BANK1: variants seen among roughly 807,000 people sequenced by gnomAD.
BANK1 encodes B cell scaffold protein with ankyrin repeats 1, also known as B-cell scaffold protein with ankyrin repeats.
BANK1 carries 95 observed loss-of-function variants against 94.5 expected under a neutral mutation model. That is an observed-to-expected ratio of 1.00 (90% CI 0.85 to 1.19). The LOEUF is 1.19. BANK1 is among the 50% of genes most tolerant of loss of function. The pLI, the probability that BANK1 is intolerant of heterozygous loss-of-function variation, is 0.00. For synonymous variants in BANK1, 334 were observed against 308.4 expected (o/e 1.08, Z -0.87); for missense variants, 987 against 932.2 (o/e 1.06, Z -0.77).
At chr4:101,880,926 A>G (rs1560614522) in intron 5 of BANK1, among the ~76,000 whole-genome samples, 2 of 152,242 alleles carry the variant, frequency 1.3e-5, no homozygotes, top group South Asian at 2.1e-4. Flanking sequence ...TCAAATCAAA[A>G]TGGATTAGAG....
intron 7 of BANK1, among the ~76,000 whole-genome samples, chr4:101,971,299 A>G (rs939675507): frequency 1.3e-5 from 2 of 152,106 alleles, no homozygotes; most frequent in African/African-American, 4.8e-5. Context: ...GAAAATGTGT[A>G]AAAAACAGAA....
At chr4:101,910,872 G>A (rs1268464792) in intron 6 of BANK1, among the ~76,000 whole-genome samples, 1 of 152,070 alleles carries the variant, frequency 6.6e-6, no homozygotes, top group Non-Finnish European at 1.5e-5. Context: ...AAGTAGAAGA[G>A]TGTGGGATAA....
At chr4:101,830,248 T>G (rs904541926) in intron 2 of BANK1, 42 bp downstream of exon 2, 4 of 1,264,834 alleles carry the variant, frequency 3.2e-6, no homozygotes, top group Non-Finnish European at 3.0e-6. Context: ...TTATTTGTTT[T>G]TTTTTTTTTG....
At chr4:101,917,733 A>G (rs912671251) in intron 6 of BANK1, among the ~76,000 whole-genome samples, 5 of 151,700 alleles carry the variant, frequency 3.3e-5, no homozygotes, top group African/African-American at 1.2e-4. Context: ...TAAGAGGTTG[A>G]TGTGGCTTTT....
chr4:101,895,253 T>G (rs1578383728), intron 5 of BANK1, 52 bp from the exon 6 acceptor site: 2 of 1,047,800 alleles, frequency 1.9e-6, no homozygotes, highest in East Asian at 5.3e-5. Context: ...TAAAATGAGT[T>G]TCTATGTAAA....
At chr4:101,943,629 A>G (rs1002479734) in intron 7 of BANK1, among the ~76,000 whole-genome samples, 1 of 151,862 alleles carries the variant, frequency 6.6e-6, no homozygotes, top group African/African-American at 2.4e-5. Context: ...TTGAGTTGAA[A>G]TACTTATTTC....
intron 3 of BANK1, among the ~76,000 whole-genome samples, chr4:101,860,472 C>T (rs1347874063): frequency 6.6e-6 from 1 of 152,002 alleles, no homozygotes; most frequent in Admixed American, 6.6e-5. Context: ...GCTCTGTCGC[C>T]CAGGCTGGAG....
At chr4:101,867,021 C>T (rs1476089383) in intron 4 of BANK1, among the ~76,000 whole-genome samples, 1 of 35,964 alleles carries the variant, frequency 2.8e-5, no homozygotes, top group Admixed American at 2.6e-4. Flanking sequence ...GTGGTGGGGT[C>T]GGGGGAGGGG....
At chr4:101,984,014 TAAGAG>T (rs1181775413) in intron 7 of BANK1, among the ~76,000 whole-genome samples, 2 of 151,936 alleles carry the variant, frequency 1.3e-5, no homozygotes, top group Non-Finnish European at 2.9e-5. Flanking sequence ...TTTACATAGA[TAAGAG>T]AGGGGAATGT....
intron 11 of BANK1, among the ~76,000 whole-genome samples, chr4:102,057,845 T>C (rs933875907): frequency 5.3e-5 from 8 of 152,178 alleles, no homozygotes; most frequent in Non-Finnish European, 8.8e-5. Context: ...AAAAGCAATA[T>C]AGTATTATTA....
At chr4:101,907,518 C>T (rs1722495287) in intron 6 of BANK1, among the ~76,000 whole-genome samples, 1 of 152,178 alleles carries the variant, frequency 6.6e-6, no homozygotes, top group Admixed American at 6.5e-5. Flanking sequence ...CCTCTCTCAC[C>T]ACTCCTATTC....
chr4:101,906,682 C>T (rs1309607431), intron 6 of BANK1, among the ~76,000 whole-genome samples: 1 of 152,278 alleles, frequency 6.6e-6, no homozygotes, highest in East Asian at 1.9e-4. Context: ...CAAAGTGAAA[C>T]GAACCAGACC....
chr4:101,823,295 G>A (rs1004735409), intron 1 of BANK1, among the ~76,000 whole-genome samples: 1 of 152,082 alleles, frequency 6.6e-6, no homozygotes, highest in Non-Finnish European at 1.5e-5. Flanking sequence ...CCATTCCAAT[G>A]TATATAAATC....
chr4:101,810,880 T>C (rs1298694447), intron 1 of BANK1, among the ~76,000 whole-genome samples: 2 of 152,172 alleles, frequency 1.3e-5, no homozygotes, highest in African/African-American at 2.4e-5. Flanking sequence ...TGCATTTTGG[T>C]AGCCTTTATT....
chr4:101,965,427 G>C (rs1407252517), intron 7 of BANK1, among the ~76,000 whole-genome samples: 1 of 151,642 alleles, frequency 6.6e-6, no homozygotes, highest in East Asian at 1.9e-4. Flanking sequence ...TATAAACCCT[G>C]GATAATGTTA....
At chr4:102,066,228 C>T (rs756909950) in intron 13 of BANK1, among the ~76,000 whole-genome samples, 2 of 149,740 alleles carry the variant, frequency 1.3e-5, no homozygotes, top group Non-Finnish European at 3.0e-5. Context: ...TTATCAGAAA[C>T]AATGGAGGAT....
chr4:102,035,507 G>A (rs534615923), intron 10 of BANK1, among the ~76,000 whole-genome samples: 1 of 152,048 alleles, frequency 6.6e-6, no homozygotes, highest in Non-Finnish European at 1.5e-5. Context: ...AATTAGCCGG[G>A]CATGGTGGCG....
intron 7 of BANK1, among the ~76,000 whole-genome samples, chr4:101,944,776 A>G (rs1723875528): frequency 6.6e-6 from 1 of 151,944 alleles, no homozygotes; most frequent in African/African-American, 2.4e-5. Context: ...AATATTGGAC[A>G]ATGTGCTGAA....
At chr4:101,923,432 A>G (rs1487527111) in intron 7 of BANK1, among the ~76,000 whole-genome samples, 1 of 151,782 alleles carries the variant, frequency 6.6e-6, no homozygotes, top group Non-Finnish European at 1.5e-5. Context: ...ATAAATAATC[A>G]ACCATGTATC....
Sources: allele counts gnomAD v4.1 joint callset (sites outside exome capture counted in the v4.1 genomes callset), GRCh38; gene constraint gnomAD v4.1.1; transcripts MANE v1.5; gene names NCBI Gene and HGNC (gene_info 2026-07-23, HGNC 2026-07-21).